ARHGEF16: variants seen among roughly 807,000 people sequenced by gnomAD.
ARHGEF16 encodes Rho guanine nucleotide exchange factor 16, also known as Rho guanine exchange factor (GEF) 16.
ARHGEF16 carries 59 observed loss-of-function variants against 74.1 expected under a neutral mutation model. The ratio of observed to expected loss-of-function variants is 0.80; its 90% CI spans 0.65 to 0.99. The LOEUF is 0.99. ARHGEF16 is among the 50% of genes least tolerant of loss of function. The probability of loss-of-function intolerance (pLI) is 0.00; values close to 1 mark genes in which losing one functional copy is unlikely to be tolerated. For missense variants in ARHGEF16, 948 were observed against 986.6 expected, an observed-to-expected ratio of 0.96 and a Z score of 0.52; for synonymous variants, 415 against 412.6, an observed-to-expected ratio of 1.01 and a Z score of -0.07.
intron 4 of ARHGEF16, chr1:3,468,433 A>G: frequency 5.3e-6 from 1 of 189,484 alleles, no homozygotes; most frequent in Non-Finnish European, 1.1e-5. Flanking sequence ...AGGAGGAGGG[A>G]GCCCGGGCGG....
intron 10 of ARHGEF16, among the ~76,000 whole-genome samples, 192 bp downstream of exon 10, chr1:3,476,254 C>T (rs1312692251): frequency 3.3e-5 from 5 of 152,140 alleles, no homozygotes; most frequent in South Asian, 2.1e-4. Flanking sequence ...GATCTGGGAG[C>T]GCCCCTTGTG....
chr1:3,479,653 T>C, intron 13 of ARHGEF16, 63 bp downstream of exon 13: 1 of 1,586,196 alleles, frequency 6.3e-7, no homozygotes, highest in Non-Finnish European at 8.6e-7. Context: ...TGGCCCCCAC[T>C]GTAGCCCAAG....
intron 11 of ARHGEF16, 122 bp downstream of exon 11, chr1:3,478,148 C>G: frequency 7.3e-7 from 1 of 1,374,272 alleles, no homozygotes; most frequent in Non-Finnish European, 1.0e-6. Flanking sequence ...CGAGGCGCGG[C>G]TTCCACTCGG....
chr1:3,468,131 C>A (rs963000924), intron 4 of ARHGEF16, among the ~76,000 whole-genome samples: 1 of 152,156 alleles, frequency 6.6e-6, no homozygotes, highest in East Asian at 1.9e-4. Context: ...GAGCTGGGGG[C>A]GTGTGGTCTC....
rs1326035382 is a variant in ARHGEF16 at position 3,480,402 on chromosome 1, C to A, written c.1991-46C>A. ...ATAGCAGCTCAGAGGGGCCGGGGGA[C>A]CCACGGCCTTCCCCTCACCTCCCTC... On this transcript the variant is annotated intron_variant, in intron 14 of 14. Coordinates refer to ENST00000378378, the MANE Select transcript of ARHGEF16 (RefSeq NM_014448.4). 2.5e-6 allele frequency: 4 copies of A among 1,606,650 alleles called. No homozygotes were observed. In the East Asian group the frequency reaches 8.9e-5, roughly 36 times the overall value.
chr1:3,472,782 TCCCTGGGGCTGC>T (rs1639765464), intron 6 of ARHGEF16: 1 of 385,728 alleles, frequency 2.6e-6, no homozygotes, highest in African/African-American at 2.1e-5. Context: ...TTGGGGACAG[TCCCTGGGGCTGC>T]CCCTGGACAA....
chr1:3,468,149 C>T (rs537391723), intron 4 of ARHGEF16, among the ~76,000 whole-genome samples: 50 of 152,306 alleles, frequency 3.3e-4, no homozygotes, highest in Admixed American at 1.5e-3. Flanking sequence ...CTCCCTCTGT[C>T]GGGGATGGAG....
intron 14 of ARHGEF16, among the ~76,000 whole-genome samples, 198 bp downstream of exon 14, chr1:3,480,111 C>T (rs1412395682): frequency 1.3e-5 from 2 of 152,232 alleles, no homozygotes; most frequent in African/African-American, 4.8e-5. Flanking sequence ...CACTGTGTCC[C>T]ACGTGGGGAG....
At position 3,474,616 on chromosome 1, in the gene ARHGEF16, C is replaced by G. The variant is rs1443890860; in HGVS notation, c.1306-92C>G. The G allele has an allele frequency of 1.0e-5, 13 of 1,281,640 alleles. No individual in the cohort carries two copies. In the Admixed American group the frequency reaches 1.9e-4, roughly 18 times the overall value. The allele number at this position is 1,281,640 out of a possible 1,614,324, so 79.4% of individuals were successfully genotyped here. On this transcript the variant is annotated intron_variant, in intron 8 of 14. Transcript: ENST00000378378. ...CCCCTGGGGGCAGCTGTTGACCACC[C>G]TGCAGCCCCACACGGGGTCTGGCGT...
chr1:3,478,932 G>A (rs1427184304), intron 12 of ARHGEF16, among the ~76,000 whole-genome samples: 1 of 152,022 alleles, frequency 6.6e-6, no homozygotes, highest in Non-Finnish European at 1.5e-5. Flanking sequence ...AGGTGGGGCC[G>A]GAGTGTGGGG....
chr1:3,476,600 T>G (rs1273666182), intron 10 of ARHGEF16, among the ~76,000 whole-genome samples: 2 of 151,842 alleles, frequency 1.3e-5, no homozygotes, highest in African/African-American at 4.8e-5. Context: ...CTCATACCTC[T>G]CCCTCCAGAG....
chr1:3,464,182 G>A (rs1004796331), intron 2 of ARHGEF16, among the ~76,000 whole-genome samples: 1 of 152,222 alleles, frequency 6.6e-6, no homozygotes, highest in Admixed American at 6.5e-5. Context: ...CCTGCCTGCT[G>A]GTGGTGGCTC....
chr1:3,469,808 G>T (rs189008568), intron 6 of ARHGEF16, among the ~76,000 whole-genome samples: 24 of 152,190 alleles, frequency 1.6e-4, no homozygotes, highest in Admixed American at 1.3e-4. Context: ...AAGCACTGGG[G>T]CTGTGGCATC....
intron 12 of ARHGEF16, 121 bp downstream of exon 12, chr1:3,478,733 T>C: frequency 8.6e-7 from 1 of 1,156,560 alleles, no homozygotes; most frequent in South Asian, 1.6e-5. Context: ...ACCGTGCACC[T>C]GGCCCTGCTG....
chr1:3,457,740 G>A (rs1421726253), intron 1 of ARHGEF16, among the ~76,000 whole-genome samples: 3 of 152,156 alleles, frequency 2.0e-5, no homozygotes, highest in Non-Finnish European at 4.4e-5. Flanking sequence ...CCGGCCAGGC[G>A]GGGGCCCCTG....
chr1:3,462,928 C>T (rs1308096734), intron 1 of ARHGEF16, 138 bp from the exon 2 acceptor site: 5 of 544,234 alleles, frequency 9.2e-6, no homozygotes, highest in South Asian at 8.3e-5. Context: ...CTCCTGGCTG[C>T]GTCGCTGTCC....
At chr1:3,479,038 C>T (rs1024803674) in intron 12 of ARHGEF16, among the ~76,000 whole-genome samples, 4 of 152,192 alleles carry the variant, frequency 2.6e-5, no homozygotes, top group Non-Finnish European at 4.4e-5. Context: ...CGACCCTGGC[C>T]GGTAGGGGCC....
chr1:3,476,156 G>A (rs377591919), intron 10 of ARHGEF16, 94 bp downstream of exon 10: 21 of 1,340,840 alleles, frequency 1.6e-5, no homozygotes, highest in East Asian at 7.8e-5. Context: ...GAGCCTGAGG[G>A]CTGGAGAGTG....
At chr1:3,464,151 CTG>C (rs35420874) in intron 2 of ARHGEF16, among the ~76,000 whole-genome samples, 105,063 of 152,052 alleles carry the variant, frequency 0.69, 39,977 homozygotes, top group Non-Finnish European at 0.84. Context: ...CACATTCCCT[CTG>C]TACACAGAGC....
Sources: allele counts gnomAD v4.1 joint callset (sites outside exome capture counted in the v4.1 genomes callset), GRCh38; gene constraint gnomAD v4.1.1; transcripts MANE v1.5; gene names NCBI Gene and HGNC (gene_info 2026-07-23, HGNC 2026-07-21).